The following PLPP4 variants were observed in gnomAD, a reference collection of about 807,000 sequenced individuals.
The protein encoded by PLPP4 is phospholipid phosphatase 4.
Under a neutral mutation model 32.2 loss-of-function variants are expected in PLPP4, and 20 were observed. That is an observed-to-expected ratio of 0.62 (90% CI 0.44 to 0.90). The LOEUF is 0.90. PLPP4 is among the 40% of genes least tolerant of loss of function. PLPP4 has a pLI of 0.00. For synonymous variants in PLPP4, 127 were observed against 133.0 expected, an observed-to-expected ratio of 0.95 and a Z score of 0.31; for missense variants, 257 against 353.1, an observed-to-expected ratio of 0.73 and a Z score of 2.18.
chr10:120,498,744 T>G (rs928386364), intron 1 of PLPP4, among the ~76,000 whole-genome samples: 50 of 150,772 alleles, frequency 3.3e-4, no homozygotes, highest in Non-Finnish European at 4.4e-4. Flanking sequence ...CACTGCAACC[T>G]CCACCTCCTG....
At chr10:120,536,709 C>CA (rs1402080218) in intron 5 of PLPP4, among the ~76,000 whole-genome samples, 3 of 135,114 alleles carry the variant, frequency 2.2e-5, no homozygotes, top group South Asian at 2.4e-4. Flanking sequence ...AGTAGGATTA[C>CA]AAAAAAACTG....
At chr10:120,512,761 G>A (rs184021675) in intron 2 of PLPP4, among the ~76,000 whole-genome samples, 74 of 152,004 alleles carry the variant, frequency 4.9e-4, no homozygotes, top group Admixed American at 9.2e-4. Flanking sequence ...TGCAGTGAGC[G>A]GAGATCACTC....
At chr10:120,481,859 A>G (rs76067256) in intron 1 of PLPP4, among the ~76,000 whole-genome samples, 1 of 152,178 alleles carries the variant, frequency 6.6e-6, no homozygotes, top group Non-Finnish European at 1.5e-5. Flanking sequence ...TAATTGAATC[A>G]TGGGGGCAGG....
At chr10:120,539,892 T>C (rs771282915) in intron 5 of PLPP4, among the ~76,000 whole-genome samples, 8 of 152,036 alleles carry the variant, frequency 5.3e-5, no homozygotes, top group Non-Finnish European at 1.0e-4. Flanking sequence ...AAAACAATAA[T>C]TACTTTTGTG....
chr10:120,512,858 G>A (rs778951009), intron 2 of PLPP4, among the ~76,000 whole-genome samples: 1 of 152,060 alleles, frequency 6.6e-6, no homozygotes. Context: ...TTCCAGCCAT[G>A]CCTTAGTTCC....
At chr10:120,582,961 C>T (rs1849589697) in intron 6 of PLPP4, among the ~76,000 whole-genome samples, 1 of 151,934 alleles carries the variant, frequency 6.6e-6, no homozygotes, top group African/African-American at 2.4e-5. Flanking sequence ...GCTAGGTAAG[C>T]TCTTTTGTAG....
chr10:120,481,919 T>C (rs145895530), intron 1 of PLPP4, among the ~76,000 whole-genome samples: 115 of 152,284 alleles, frequency 7.6e-4, no homozygotes, highest in Admixed American at 2.0e-3. Context: ...CAAGATCTGA[T>C]GGTTCTATAA....
chr10:120,457,495 G>T, intron 1 of PLPP4, 134 bp downstream of exon 1: 2 of 675,908 alleles, frequency 3.0e-6, no homozygotes, highest in Non-Finnish European at 4.7e-6. Context: ...CCCGCCAAGT[G>T]CCCGCAACGT....
At chr10:120,483,570 A>G (rs1303722365) in intron 1 of PLPP4, among the ~76,000 whole-genome samples, 7 of 152,310 alleles carry the variant, frequency 4.6e-5, no homozygotes, top group Non-Finnish European at 8.8e-5. Context: ...GCCCTGGAAT[A>G]GAAGATTCTG....
intron 5 of PLPP4, among the ~76,000 whole-genome samples, chr10:120,549,340 T>C (rs1254575799): frequency 6.7e-6 from 1 of 148,896 alleles, no homozygotes; most frequent in African/African-American, 2.5e-5. Context: ...GGATACTAGA[T>C]GAAGGCGAAA....
At chr10:120,585,242 A>G (rs1849699369) in intron 6 of PLPP4, among the ~76,000 whole-genome samples, 1 of 152,242 alleles carries the variant, frequency 6.6e-6, no homozygotes, top group South Asian at 2.1e-4. Context: ...TAGTGAAGAG[A>G]TTCTTCATTT....
At chr10:120,564,760 A>G (rs1848608587) in intron 5 of PLPP4, among the ~76,000 whole-genome samples, 4 of 151,986 alleles carry the variant, frequency 2.6e-5, no homozygotes, top group Admixed American at 6.5e-5. Flanking sequence ...AGACAATCAA[A>G]CATTAATATT....
chr10:120,470,136 G>A (rs565623567), intron 1 of PLPP4, among the ~76,000 whole-genome samples: 3 of 152,326 alleles, frequency 2.0e-5, no homozygotes, highest in Admixed American at 2.0e-4. Flanking sequence ...GATGTTGGAT[G>A]TTTTGTATTT....
rs1235139617 is a variant in PLPP4 at position 120,547,114 on chromosome 10, AT to A, written c.445+26020del. Among the ~76,000 whole-genome samples the A allele has an allele frequency of 2.6e-5, 4 of 152,298 alleles. No homozygotes were observed. In the East Asian group the frequency reaches 5.8e-4, roughly 22 times the overall value. On this transcript the variant is annotated intron_variant, in intron 5 of 6. Transcript: ENST00000398250. Reference sequence around the variant, plus strand: ...TTGTCTTTTTTTTTAATCTTTAAGAATGATGAACATAGATAATGGAAATGAA... The same window carrying A: ...TTGTCTTTTTTTTTAATCTTTAAGAAGATGAACATAGATAATGGAAATGAA...
intron 5 of PLPP4, among the ~76,000 whole-genome samples, chr10:120,530,629 G>A (rs965146005): frequency 6.6e-6 from 1 of 152,102 alleles, no homozygotes; most frequent in Non-Finnish European, 1.5e-5. Context: ...GTGTGCAATT[G>A]TTTAGTGGAC....
chr10:120,545,012 G>A (rs1375446917), intron 5 of PLPP4, among the ~76,000 whole-genome samples: 22 of 152,248 alleles, frequency 1.4e-4, no homozygotes, highest in Admixed American at 1.3e-3. Flanking sequence ...ACATGTGCTT[G>A]GTTGATGGCG....
At chr10:120,490,177 G>T (rs1376550554) in intron 1 of PLPP4, among the ~76,000 whole-genome samples, 2 of 152,168 alleles carry the variant, frequency 1.3e-5, no homozygotes, top group Non-Finnish European at 2.9e-5. Context: ...AACCATTCCT[G>T]GTCCTTGACT....
chr10:120,574,889 T>C (rs1193811320), intron 5 of PLPP4, among the ~76,000 whole-genome samples: 1 of 152,188 alleles, frequency 6.6e-6, no homozygotes, highest in Non-Finnish European at 1.5e-5. Flanking sequence ...GAAGTAACTA[T>C]TGAATGAATG....
chr10:120,509,681 C>T (rs1845648681), intron 2 of PLPP4, among the ~76,000 whole-genome samples: 1 of 151,988 alleles, frequency 6.6e-6, no homozygotes, highest in Non-Finnish European at 1.5e-5. Flanking sequence ...ACTCATCTCT[C>T]TGAGTTTTAG....
Sources: allele counts gnomAD v4.1 joint callset (sites outside exome capture counted in the v4.1 genomes callset), GRCh38; gene constraint gnomAD v4.1.1; transcripts MANE v1.5; gene names NCBI Gene and HGNC (gene_info 2026-07-23, HGNC 2026-07-21).